BRI3: variants seen among roughly 807,000 people sequenced by gnomAD.
BRI3 encodes the protein membrane protein BRI3.
A neutral mutation model predicts 12.8 loss-of-function variants in BRI3; 6 were observed. That is an observed-to-expected ratio of 0.47 (90% confidence interval 0.26 to 0.93). The LOEUF is 0.93. Among genes scored for constraint, BRI3 ranks in the 40% least tolerant of loss-of-function variants. BRI3 has a pLI of 0.15. For synonymous variants in BRI3, 91 were observed against 76.1 expected (o/e 1.20, Z -1.02); for missense variants, 134 against 171.1 (o/e 0.78, Z 1.21).
rs959192832 is a variant in BRI3, at chr7:98,282,602, G to A, written c.245+149G>A. Reference sequence around the variant, plus strand: ...CCTTTATGGGAGGGACAGACAGGCTGCCCGAATGCGGTGTGGGAGAGTGCG... The same window carrying A: ...CCTTTATGGGAGGGACAGACAGGCTACCCGAATGCGGTGTGGGAGAGTGCG... On this transcript the variant is annotated intron_variant, in intron 2 of 2. Coordinates refer to ENST00000297290, the MANE Select transcript of BRI3 (RefSeq NM_015379.5). 1.1e-5 allele frequency: 7 copies of A among 661,742 alleles called. No individual in the cohort carries two copies. The African/African-American group carries it at 1.3e-4, about 12-fold the overall frequency. The allele number at this position is 661,742 out of a possible 1,614,324, so 41.0% of individuals were successfully genotyped here.
At chr7:98,304,355 G>C, upstream of BRI3, 3 of 1,613,558 alleles carry the variant, frequency 1.9e-6, no homozygotes, top group Non-Finnish European at 2.5e-6. Flanking sequence ...TCACGGTGCT[G>C]ATGCTTCTCA....
chr7:98,289,760 C>A (rs1357138014), intron 2 of BRI3, among the ~76,000 whole-genome samples: 2 of 152,200 alleles, frequency 1.3e-5, no homozygotes, highest in Non-Finnish European at 2.9e-5. Flanking sequence ...TGGTTAATTT[C>A]AGCTGTGTCC....
chr7:98,303,194 C>T (rs372703989), upstream of BRI3, among the ~76,000 whole-genome samples: 6 of 152,196 alleles, frequency 3.9e-5, no homozygotes, highest in Admixed American at 1.3e-4. Flanking sequence ...TCAAGGCTCA[C>T]GCGTAGGTCT....
At chr7:98,312,336 C>G (rs1028251058), downstream of BRI3, 3 of 1,475,726 alleles carry the variant, frequency 2.0e-6, no homozygotes, top group East Asian at 6.9e-5. Context: ...GACATCACGT[C>G]ATATCGCTGA....
chr7:98,284,021 G>A (rs1299623509), intron 2 of BRI3, among the ~76,000 whole-genome samples: 1 of 152,236 alleles, frequency 6.6e-6, no homozygotes, highest in Non-Finnish European at 1.5e-5. Flanking sequence ...CTAACCTGGA[G>A]GTGCTCTCCA....
chr7:98,314,459 G>T (rs1363470564), downstream of BRI3, among the ~76,000 whole-genome samples: 1 of 152,144 alleles, frequency 6.6e-6, no homozygotes, highest in Non-Finnish European at 1.5e-5. Context: ...ATGAATTTCT[G>T]ACCTCAACCA....
chr7:98,321,766 TG>T, the BRI3 span, among the ~76,000 whole-genome samples: 1 of 152,144 alleles, frequency 6.6e-6, no homozygotes, highest in Non-Finnish European at 1.5e-5. Flanking sequence ...CAGCAAGATG[TG>T]CCGGCGGACC....
chr7:98,295,089 G>C (rs145461088), downstream of BRI3, among the ~76,000 whole-genome samples: 746 of 152,306 alleles, frequency 4.9e-3, 11 homozygotes, highest in African/African-American at 0.017. Context: ...ACCCCCAGGG[G>C]GTCTCAGGGA....
intron 2 of BRI3, among the ~76,000 whole-genome samples, chr7:98,287,141 T>G (rs1281689556): frequency 6.6e-6 from 1 of 152,236 alleles, no homozygotes; most frequent in Non-Finnish European, 1.5e-5. Context: ...GGCCTGAGCC[T>G]CCTGGGACAG....
At chr7:98,299,954 T>C (rs948249964) in intron 1 of BRI3, among the ~76,000 whole-genome samples, 9 of 152,102 alleles carry the variant, frequency 5.9e-5, no homozygotes, top group Non-Finnish European at 8.8e-5. Context: ...GGCGGGAGAA[T>C]TGCTTGAGCC....
chr7:98,306,712 A>AT (rs928406733), intron 1 of BRI3: 403 of 785,678 alleles, frequency 5.1e-4, no homozygotes, highest in Middle Eastern at 7.8e-4. Flanking sequence ...ATTGTTAACA[A>AT]TTTTTTTTTA....
intron 1 of BRI3, among the ~76,000 whole-genome samples, chr7:98,298,300 A>C (rs566435173): frequency 7.4e-4 from 112 of 151,418 alleles, no homozygotes; most frequent in Admixed American, 5.7e-3. Context: ...ATATAAAACC[A>C]TGTATAAAAA....
chr7:98,284,026 T>C (rs1445797176), intron 2 of BRI3, among the ~76,000 whole-genome samples: 3 of 152,188 alleles, frequency 2.0e-5, no homozygotes, highest in African/African-American at 7.2e-5. Flanking sequence ...CTGGAGGTGC[T>C]CTCCAGTTAT....
chr7:98,306,833 A>G, intron 1 of BRI3: 1 of 360,488 alleles, frequency 2.8e-6, no homozygotes, highest in Admixed American at 4.2e-5. Flanking sequence ...TCAGCATCCG[A>G]GTAGCTGTGA....
chr7:98,310,547 G>A (rs75638449), downstream of BRI3: 15 of 1,593,094 alleles, frequency 9.4e-6, no homozygotes, highest in Non-Finnish European at 1.2e-5. Context: ...GGAGCGGGGG[G>A]CATCTTTGGT....
intron 2 of BRI3, 54 bp downstream of exon 2, chr7:98,282,507 C>T: frequency 6.8e-7 from 1 of 1,463,122 alleles, no homozygotes; most frequent in Non-Finnish European, 9.6e-7. Flanking sequence ...GGACCCCCGC[C>T]CTAACCCCCA....
intron 2 of BRI3, among the ~76,000 whole-genome samples, chr7:98,288,953 GT>G (rs1386150169): frequency 1.3e-5 from 2 of 151,930 alleles, no homozygotes; most frequent in African/African-American, 4.8e-5. Context: ...TGGGCATGAA[GT>G]TTTTTTCTTT....
At chr7:98,296,245 C>A (rs546682779), downstream of BRI3, among the ~76,000 whole-genome samples, 1 of 152,360 alleles carries the variant, frequency 6.6e-6, no homozygotes, top group South Asian at 2.1e-4. Flanking sequence ...GGGCCGGGAA[C>A]GTCCTGCTGG....
downstream of BRI3, chr7:98,292,872 CGGA>C (rs566792669): frequency 1.4e-4 from 201 of 1,444,538 alleles, 1 homozygote; most frequent in East Asian, 2.8e-3. Flanking sequence ...AAGGAGCTCT[CGGA>C]GGAGATTTCG....
Sources: allele counts gnomAD v4.1 joint callset (sites outside exome capture counted in the v4.1 genomes callset), GRCh38; gene constraint gnomAD v4.1.1; transcripts MANE v1.5; gene names NCBI Gene and HGNC (gene_info 2026-07-23, HGNC 2026-07-21).